SBNO2: variants seen among roughly 807,000 people sequenced by gnomAD.
SBNO2 encodes the protein protein strawberry notch homolog 2.
A neutral mutation model predicts 146.3 loss-of-function variants in SBNO2; 89 were observed. The ratio of observed to expected loss-of-function variants is 0.61; its 90% CI spans 0.51 to 0.73. The LOEUF (loss-of-function observed/expected upper bound fraction) is 0.73, where lower values mean the gene tolerates loss of function less well. SBNO2 is among the 30% of genes least tolerant of loss of function. SBNO2 has a pLI of 0.00. For synonymous variants in SBNO2, 1,147 were observed against 892.6 expected (o/e 1.29, Z -5.08); for missense variants, 2,092 against 2,003.7 (o/e 1.04, Z -0.84).
At position 1,108,847 on chromosome 19, in the gene SBNO2, G is replaced by A; in HGVS notation, c.3548C>T (p.Ala1183Val). Residue 1183 changes from alanine to valine, a missense_variant, in exon 31 of 32, where the codon GCC (alanine) becomes GTC (valine). Physicochemically the swap from Ala to Val is moderately conservative, Grantham distance 64. Coordinates refer to ENST00000361757, the MANE Select transcript of SBNO2 (RefSeq NM_014963.3). ...CAGGTAGCTGCTGCTGCTGACGTCGGCCATGACGGCGGCGATGCGGCCCCA... is the reference window on the plus strand; with the variant it reads ...CAGGTAGCTGCTGCTGCTGACGTCGACCATGACGGCGGCGATGCGGCCCCA... ...RVWGRIAAVM[A>V]DVSSSSYLQI... is the part of the protein sequence containing the mutation. 6.3e-7 allele frequency: 1 copy of A among 1,598,794 alleles called. No homozygotes were observed. The highest frequency in any genetic ancestry group is 8.5e-7 in the Non-Finnish European group (1 of 1,178,076).
intron 18 of SBNO2, among the ~76,000 whole-genome samples, 155 bp downstream of exon 18, chr19:1,114,076 C>T (rs1379444191): frequency 1.3e-5 from 2 of 152,190 alleles, no homozygotes; most frequent in Non-Finnish European, 2.9e-5. Flanking sequence ...CAGCTGGGCT[C>T]AGGTGGGCTG....
In SBNO2 at chr19:1,129,089, A is replaced by C. The variant is rs369729668; in HGVS notation, c.280-1324T>G. On this transcript the variant is annotated intron_variant, in intron 4 of 31. Transcript: ENST00000361757. ...CAAGACCAGCCTGACCAATATGGTAAAACCCTGTCTTTACTAAAAACACAA... is the reference window on the plus strand; with the variant it reads ...CAAGACCAGCCTGACCAATATGGTACAACCCTGTCTTTACTAAAAACACAA... 3.3e-5 allele frequency among the ~76,000 whole-genome samples: 5 copies of C among 152,030 alleles called. No homozygotes were observed. The East Asian group carries it at 5.8e-4, about 18-fold the overall frequency.
At chr19:1,155,797 TC>T (rs1280710807) in intron 1 of SBNO2, among the ~76,000 whole-genome samples, 1 of 151,890 alleles carries the variant, frequency 6.6e-6, no homozygotes, top group African/African-American at 2.4e-5. Context: ...GATACCGGGG[TC>T]CCCATCCAGG....
intron 1 of SBNO2, among the ~76,000 whole-genome samples, chr19:1,160,097 G>A (rs1045780901): frequency 2.0e-4 from 31 of 152,266 alleles, no homozygotes; most frequent in African/African-American, 7.5e-4. Flanking sequence ...GGCAGCACCC[G>A]CCCTCTGGCT....
In SBNO2 at chr19:1,140,022, G is replaced by A. The variant is rs529534284; in HGVS notation, c.279+7287C>T. On this transcript the variant is annotated intron_variant, in intron 4 of 31. Transcript: ENST00000361757. The surrounding 1 kb of genome is among the most constrained non-coding windows in gnomAD (Gnocchi z 4.4). ...AGAAAATAAAGAAGAAATGCAGGCC[G>A]GGCGCGGTGGCTCACGCCTGTAATC... Among the ~76,000 whole-genome samples the A allele has an allele frequency of 2.0e-5, 3 of 152,156 alleles. No individual in the cohort carries two copies. The highest frequency in any genetic ancestry group is 6.5e-5 in the Admixed American group (1 of 15,278).
Position 1,147,443 on chromosome 19 carries a change from G to A in SBNO2, c.168-23C>T, listed in dbSNP as rs755785753. On this transcript the variant is annotated intron_variant, in intron 3 of 31. Coordinates refer to ENST00000361757, the MANE Select transcript of SBNO2 (RefSeq NM_014963.3). ...GGGCTGGAGGGAGATGGGGGGGGGG[G>A]AGGTGAGATGGGGTGCTCAACCCAC... 8 of 873,906 alleles carry A rather than the reference G, an allele frequency of 9.2e-6. 1 individual carries two copies. The highest frequency in any genetic ancestry group is 3.2e-5 in the South Asian group (2 of 61,626). 54.1% of individuals were successfully genotyped at this position (873,906 alleles called of 1,614,324 possible).
At chr19:1,153,800 A>G (rs2080263775) in intron 2 of SBNO2, among the ~76,000 whole-genome samples, 1 of 152,166 alleles carries the variant, frequency 6.6e-6, no homozygotes. Context: ...CACCTCCCAA[A>G]GTGCTGGGAT....
intron 4 of SBNO2, among the ~76,000 whole-genome samples, chr19:1,129,125 G>C (rs867046081): frequency 6.6e-6 from 1 of 152,082 alleles, no homozygotes; most frequent in South Asian, 2.1e-4. Flanking sequence ...AAATTAGCTG[G>C]GCATGGTGGT....
At position 1,119,937 on chromosome 19, in the gene SBNO2, G is replaced by T; in HGVS notation, c.1236C>A (p.Pro412=). 1 of 1,549,678 alleles carries T rather than the reference G, an allele frequency of 6.5e-7. No individual in the cohort carries two copies. Among genetic ancestry groups the T allele is most frequent in the Non-Finnish European group, 8.7e-7 (1 of 1,147,058 alleles). Residue 412 remains proline (P), a synonymous_variant, in exon 12 of 32, where the codon CCC becomes CCA. Transcript: ENST00000361757. ...KAVLDLQNKL[P]LARVVYASAT... Reference sequence around the variant, plus strand: ...CGCTGGCGTAGACCACGCGGGCCAGGGGCAGCTTGTTCTGCAGGTCTAGCA... The same window carrying T: ...CGCTGGCGTAGACCACGCGGGCCAGTGGCAGCTTGTTCTGCAGGTCTAGCA...
At position 1,144,865 on chromosome 19, in the gene SBNO2, CACAG is replaced by C. The variant is rs1489432613; in HGVS notation, c.279+2440_279+2443del. Among the ~76,000 whole-genome samples the C allele has an allele frequency of 8.7e-5, 11 of 125,872 alleles. No individual in the cohort carries two copies. The highest frequency in any genetic ancestry group is 5.2e-4 in the South Asian group (2 of 3,812). The allele number at this position is 125,872 out of a possible 152,430, so 82.6% of individuals were successfully genotyped here. The stretch of plus-strand genomic sequence containing the variant: ...GGGCAGAGACAAGCAGAGAGGGAGA[CACAG>C]ACAGAGACAGAGAGGGAGACAGAGA... On this transcript the variant is annotated intron_variant, in intron 4 of 31. Transcript: ENST00000361757. The surrounding 1 kb of genome is among the most constrained non-coding windows in gnomAD (Gnocchi z 4.1).
At chr19:1,145,714 G>A (rs2080183848) in intron 4 of SBNO2, among the ~76,000 whole-genome samples, 1 of 152,116 alleles carries the variant, frequency 6.6e-6, no homozygotes, top group Non-Finnish European at 1.5e-5. Flanking sequence ...CGCCTCCCCT[G>A]CCTCAGTTTC....
rs546791850 is a variant in SBNO2, at chr19:1,112,594, C to A, written c.2380-57G>T. The A allele has an allele frequency of 1.3e-6, 2 of 1,516,734 alleles. No homozygotes were observed. Among genetic ancestry groups the A allele is most frequent in the African/African-American group, 1.4e-5 (1 of 72,872 alleles). The allele number at this position is 1,516,734 out of a possible 1,614,324, so 94.0% of individuals were successfully genotyped here. On this transcript the variant is annotated intron_variant, in intron 20 of 31. Coordinates refer to ENST00000361757, the MANE Select transcript of SBNO2 (RefSeq NM_014963.3). This position sits in a 1 kb window ranked among gnomAD's most constrained non-coding sequence, Gnocchi z 5.9. ...GGTGCAAGGCCCGCCCCAGCGTTGC[C>A]GCCACCTCCTCACCCACTAGGCCCC... is the stretch of plus-strand genomic sequence containing the variant.
intron 14 of SBNO2, 58 bp downstream of exon 14, chr19:1,118,953 G>C (rs1355495868): frequency 6.6e-7 from 1 of 1,526,316 alleles, no homozygotes; most frequent in Admixed American, 1.9e-5. Context: ...AAGGCCACGG[G>C]GGAGCAATTT....
intron 4 of SBNO2, chr19:1,132,027 G>A: frequency 7.7e-7 from 1 of 1,304,732 alleles, no homozygotes. Flanking sequence ...CGTCCTGAAT[G>A]GGGTCCCACC....
chr19:1,147,262 GACTCCACCCTGCCCCCCAC>G, intron 4 of SBNO2, 28 bp downstream of exon 4: 1 of 1,318,860 alleles, frequency 7.6e-7, no homozygotes, highest in Non-Finnish European at 1.1e-6. Context: ...GGGCGGCCCA[GACTCCACCCTGCCCCCCAC>G]GGCGCGGTGA....
rs925443165 is a variant in SBNO2, at chr19:1,140,759, C to T, written c.279+6550G>A. ...CACGGGCAGAGGCTGCTGACCCCGC[C>T]TTGGGCAGGACCAGCCTCTGCTCAG... is the stretch of plus-strand genomic sequence containing the variant. On this transcript the variant is annotated intron_variant, in intron 4 of 31. Transcript: ENST00000361757. The surrounding 1 kb of genome is among the most constrained non-coding windows in gnomAD (Gnocchi z 4.4). Among the ~76,000 whole-genome samples, 1 of 152,176 alleles carries T rather than the reference C, an allele frequency of 6.6e-6. No homozygotes were observed. Among genetic ancestry groups the T allele is most frequent in the African/African-American group, 2.4e-5 (1 of 41,454 alleles).
intron 4 of SBNO2, among the ~76,000 whole-genome samples, chr19:1,131,252 G>C (rs1037961426): frequency 6.6e-6 from 1 of 152,102 alleles, no homozygotes; most frequent in Admixed American, 6.5e-5. Context: ...CCAGGGAACC[G>C]GGCCCCTCTG....
chr19:1,130,218 G>A (rs997763395), intron 4 of SBNO2, among the ~76,000 whole-genome samples: 9 of 152,220 alleles, frequency 5.9e-5, no homozygotes, highest in Non-Finnish European at 1.2e-4. Context: ...GCGTACGGAT[G>A]TTGGTTCATC....
Position 1,136,665 on chromosome 19 carries a change from T to A in SBNO2, c.280-8900A>T, listed in dbSNP as rs1409385976. 6.6e-6 allele frequency among the ~76,000 whole-genome samples: 1 copy of A among 152,122 alleles called. No individual in the cohort carries two copies. The highest frequency in any genetic ancestry group is 2.4e-5 in the African/African-American group (1 of 41,434). ...CTTCGCTCCCTCATCTCTCTCCCTCTTTTTTGCCCAATGCCAGTAACTGTG... is the reference window on the plus strand; with the variant it reads ...CTTCGCTCCCTCATCTCTCTCCCTCATTTTTGCCCAATGCCAGTAACTGTG... On this transcript the variant is annotated intron_variant, in intron 4 of 31. Coordinates refer to ENST00000361757, the MANE Select transcript of SBNO2 (RefSeq NM_014963.3). The surrounding 1 kb of genome is among the most constrained non-coding windows in gnomAD (Gnocchi z 4.2).
Sources: gnomAD v4.1 joint callset for allele counts (sites outside exome capture counted in the v4.1 genomes callset) on GRCh38, gnomAD v4.1.1 for gene constraint, Gnocchi (gnomAD v3.1) non-coding constraint, MANE v1.5 for transcripts, NCBI Gene and HGNC (gene_info 2026-07-23, HGNC 2026-07-21) for gene names.